The following UNC5A variants were observed in gnomAD, a reference collection of about 807,000 sequenced individuals.
UNC5A encodes netrin receptor UNC5A.
A neutral mutation model predicts 87.4 loss-of-function variants in UNC5A; 20 were observed. That is an observed-to-expected ratio of 0.23 (90% CI 0.16 to 0.33). The LOEUF (loss-of-function observed/expected upper bound fraction) is 0.33, where lower values mean the gene tolerates loss of function less well. Among genes scored for constraint, UNC5A ranks in the 10% least tolerant of loss-of-function variants. The pLI is 1.00. For missense variants in UNC5A, 844 were observed against 1,133.4 expected, an observed-to-expected ratio of 0.74 and a Z score of 3.67; for synonymous variants, 438 against 482.3, an observed-to-expected ratio of 0.91 and a Z score of 1.20.
chr5:176,849,835 C>A (rs1208398504), intron 1 of UNC5A, among the ~76,000 whole-genome samples: 2 of 152,246 alleles, frequency 1.3e-5, no homozygotes, highest in Non-Finnish European at 2.9e-5. Context: ...CAAGTACATA[C>A]CCTGGGCCAG....
Position 176,874,338 on chromosome 5 carries a change from C to G in UNC5A, c.1150C>G (p.Arg384Gly). The change falls in exon 8 of 15, where the codon CGG (arginine) becomes GGG (glycine). Residue 384 changes from arginine to glycine, a missense_variant. Coordinates refer to ENST00000329542, the MANE Select transcript of UNC5A (RefSeq NM_133369.3). This position sits in a 1 kb window ranked among gnomAD's most constrained non-coding sequence, Gnocchi z 7.6. ...TTTYQGSLCPRQDGPSPKFQL... is the reference protein window; with the variant it reads ...TTTYQGSLCPGQDGPSPKFQL... ...CACCTACCAGGGCAGTCTCTGTCCC[C>G]GGCAGGATGGGCCCAGCCCCAAGTT... 6.2e-7 allele frequency: 1 copy of G among 1,613,348 alleles called. No homozygotes were observed.
intron 1 of UNC5A, among the ~76,000 whole-genome samples, chr5:176,819,872 T>TATTA (rs1178368046): frequency 6.6e-6 from 1 of 152,206 alleles, no homozygotes; most frequent in Non-Finnish European, 1.5e-5. Context: ...TTTTGCCAGG[T>TATTA]ATTAAATAAG....
chr5:176,850,169 A>G (rs1757509289), intron 1 of UNC5A, among the ~76,000 whole-genome samples: 1 of 152,196 alleles, frequency 6.6e-6, no homozygotes, highest in African/African-American at 2.4e-5. Flanking sequence ...AACAGGGCTG[A>G]GTGCATTGGT....
chr5:176,873,584 G>A (rs1758182872), intron 6 of UNC5A, among the ~76,000 whole-genome samples: 1 of 152,116 alleles, frequency 6.6e-6, no homozygotes, highest in Non-Finnish European at 1.5e-5. Flanking sequence ...CCTGTGCTCT[G>A]GGGATCCCAG....
intron 1 of UNC5A, among the ~76,000 whole-genome samples, chr5:176,816,321 C>A (rs1254195514): frequency 1.3e-5 from 2 of 152,242 alleles, no homozygotes; most frequent in African/African-American, 4.8e-5. Flanking sequence ...AGTCCCAACC[C>A]CTAGGCCAGG....
At position 176,835,425 on chromosome 5, in the gene UNC5A, C is replaced by T. The variant is rs148648712; in HGVS notation, c.70+24605C>T. Among the ~76,000 whole-genome samples the T allele has an allele frequency of 2.6e-4, 40 of 152,324 alleles. No homozygotes were observed. In the East Asian group the frequency reaches 6.4e-3, roughly 24 times the overall value. The stretch of plus-strand genomic sequence containing the variant: ...CTGTGGCTGGGAGAAATCCCCATCC[C>T]GGATTCTGTAACCATCCTGTCCAAA... On this transcript the variant is annotated intron_variant, in intron 1 of 14. Coordinates refer to ENST00000329542, the MANE Select transcript of UNC5A (RefSeq NM_133369.3).
At chr5:176,847,705 G>A (rs1757446331) in intron 1 of UNC5A, among the ~76,000 whole-genome samples, 1 of 152,054 alleles carries the variant, frequency 6.6e-6, no homozygotes, top group African/African-American at 2.4e-5. Context: ...AGACTCGGGG[G>A]GGCCCACAGT....
chr5:176,869,520 C>T lies in UNC5A; in HGVS notation c.721+556C>T. The T allele has an allele frequency of 1.6e-6, 1 of 620,816 alleles. No individual in the cohort carries two copies. Among genetic ancestry groups the T allele is most frequent in the Non-Finnish European group, 2.9e-6 (1 of 340,234 alleles). The allele number at this position is 620,816 out of a possible 1,614,324, so 38.5% of individuals were successfully genotyped here. ...TCAGCCACAGCCCACCCGTGTCCAG[C>T]TCACAGCCCCTCTGCCCTCACGCCC... On this transcript the variant is annotated intron_variant, in intron 5 of 14. Coordinates refer to ENST00000329542, the MANE Select transcript of UNC5A (RefSeq NM_133369.3). This position sits in a 1 kb window ranked among gnomAD's most constrained non-coding sequence, Gnocchi z 9.1.
intron 8 of UNC5A, among the ~76,000 whole-genome samples, chr5:176,876,795 G>A (rs1758271906): frequency 6.6e-6 from 1 of 152,180 alleles, no homozygotes; most frequent in South Asian, 2.1e-4. Flanking sequence ...AGGCAGTGGG[G>A]GCCAGAGGCA....
Position 176,879,962 on chromosome 5 carries a change from C to A in UNC5A, c.*76C>A. On this transcript the variant is annotated 3_prime_UTR_variant, in exon 15 of 15. Transcript: ENST00000329542. ...GGACAGGCAGAAGCCGGACAGGGGCCCTTCCCCACACCGGGGAGAGCTGCT... is the reference window on the plus strand; with the variant it reads ...GGACAGGCAGAAGCCGGACAGGGGCACTTCCCCACACCGGGGAGAGCTGCT... 6.6e-7 allele frequency: 1 copy of A among 1,509,970 alleles called. No individual in the cohort carries two copies. The highest frequency in any genetic ancestry group is 2.4e-5 in the East Asian group (1 of 41,272). 93.5% of individuals were successfully genotyped at this position (1,509,970 alleles called of 1,614,324 possible).
At position 176,875,497 on chromosome 5, in the gene UNC5A, CCCT is replaced by C. The variant is rs1178901946; in HGVS notation, c.1378+936_1378+938del. ...CCGCCAGCTTCAGTCCCACGCCAGT[CCCT>C]CCTCAATAGCTCCTGCCACCTCCTG... On this transcript the variant is annotated intron_variant, in intron 8 of 14. Transcript: ENST00000329542. The surrounding 1 kb of genome is among the most constrained non-coding windows in gnomAD (Gnocchi z 5.2). 6.6e-6 allele frequency among the ~76,000 whole-genome samples: 1 copy of C among 152,148 alleles called. No individual in the cohort carries two copies. Among genetic ancestry groups the C allele is most frequent in the African/African-American group, 2.4e-5 (1 of 41,420 alleles).
chr5:176,869,932 G>A lies in UNC5A; in HGVS notation c.722-438G>A, dbSNP rs1018497424. Among the ~76,000 whole-genome samples, 18 of 152,264 alleles carry A rather than the reference G, an allele frequency of 1.2e-4. No individual in the cohort carries two copies. Among genetic ancestry groups the A allele is most frequent in the Admixed American group, 8.5e-4 (13 of 15,306 alleles). The stretch of plus-strand genomic sequence containing the variant: ...CAGTCTGAGGCGGGGATCGGGGTGC[G>A]GTGTATGGTTGGAGTCAGGGCTCGA... On this transcript the variant is annotated intron_variant, in intron 5 of 14. Coordinates refer to ENST00000329542, the MANE Select transcript of UNC5A (RefSeq NM_133369.3). This position sits in a 1 kb window ranked among gnomAD's most constrained non-coding sequence, Gnocchi z 9.1.
rs762073977 is a variant in UNC5A at position 176,874,351 on chromosome 5, C to T, written c.1163C>T (p.Pro388Leu). 3 of 1,613,738 alleles carry T rather than the reference C, an allele frequency of 1.9e-6. No individual in the cohort carries two copies. The African/African-American group carries it at 4.0e-5, about 22-fold the overall frequency. Reference protein sequence around the residue: ...QGSLCPRQDGPSPKFQLTNGH... With the variant: ...QGSLCPRQDGLSPKFQLTNGH... ...AGTCTCTGTCCCCGGCAGGATGGGCCCAGCCCCAAGTTCCAGCTCACCAAT... is the reference window on the plus strand; with the variant it reads ...AGTCTCTGTCCCCGGCAGGATGGGCTCAGCCCCAAGTTCCAGCTCACCAAT... Residue 388 changes from proline to leucine, a missense_variant, in exon 8 of 15, where the codon CCC becomes CTC. Transcript: ENST00000329542. The surrounding 1 kb of genome is among the most constrained non-coding windows in gnomAD (Gnocchi z 7.6).
chr5:176,877,082 C>A (rs1489195126), intron 8 of UNC5A, 110 bp from the exon 9 acceptor site: 1 of 852,308 alleles, frequency 1.2e-6, no homozygotes, highest in African/African-American at 1.7e-5. Context: ...TGTCCCCAGG[C>A]CGGGCTGGCA....
chr5:176,848,627 G>T lies in UNC5A; in HGVS notation c.71-13997G>T, dbSNP rs906466359. 2.0e-5 allele frequency among the ~76,000 whole-genome samples: 3 copies of T among 152,164 alleles called. No homozygotes were observed. Among genetic ancestry groups the T allele is most frequent in the African/African-American group, 7.2e-5 (3 of 41,434 alleles). ...TATTCCCAGATGGAAGGTGGCAGCA[G>T]GGCCCAGGCTCCTTCCCGCCCAAAT... On this transcript the variant is annotated intron_variant, in intron 1 of 14. Coordinates refer to ENST00000329542, the MANE Select transcript of UNC5A (RefSeq NM_133369.3). The surrounding 1 kb of genome is among the most constrained non-coding windows in gnomAD (Gnocchi z 5.8).
At chr5:176,836,987 G>A (rs1757161172) in intron 1 of UNC5A, among the ~76,000 whole-genome samples, 1 of 152,164 alleles carries the variant, frequency 6.6e-6, no homozygotes, top group African/African-American at 2.4e-5. Flanking sequence ...AGGCCAGACG[G>A]AACAACCTGA....
intron 14 of UNC5A, 102 bp downstream of exon 14, chr5:176,879,590 G>A (rs1467935647): frequency 1.7e-5 from 26 of 1,541,020 alleles, no homozygotes; most frequent in East Asian, 9.0e-5. Flanking sequence ...GGCCTGTGCC[G>A]CATCTACTAG....
intron 1 of UNC5A, among the ~76,000 whole-genome samples, chr5:176,851,312 G>T (rs1757536101): frequency 6.6e-6 from 1 of 152,174 alleles, no homozygotes; most frequent in Non-Finnish European, 1.5e-5. Context: ...GACGGCTGTG[G>T]TTGTGGGCAG....
intron 1 of UNC5A, among the ~76,000 whole-genome samples, chr5:176,829,230 AAGAT>A (rs1230868134): frequency 9.3e-6 from 1 of 107,520 alleles, no homozygotes; most frequent in East Asian, 3.2e-4. Flanking sequence ...GGATGTATGA[AAGAT>A]GGATGGATGG....
Sources: allele counts gnomAD v4.1 joint callset (sites outside exome capture counted in the v4.1 genomes callset), GRCh38; gene constraint gnomAD v4.1.1; non-coding constraint Gnocchi (gnomAD v3.1); transcripts MANE v1.5; gene names NCBI Gene and HGNC (gene_info 2026-07-23, HGNC 2026-07-21).